SGPP2: variants seen among roughly 807,000 people sequenced by gnomAD.
SGPP2 encodes the protein sphingosine 1-phosphate phosphohydrolase 2.
SGPP2 carries 30 observed loss-of-function variants against 33.9 expected under a neutral mutation model. The observed-to-expected ratio is 0.89, with a 90% CI of 0.66 to 1.20. SGPP2 has a LOEUF of 1.20. SGPP2 is among the 50% of genes most tolerant of loss of function. The probability of loss-of-function intolerance (pLI) is 0.00; values close to 1 mark genes in which losing one functional copy is unlikely to be tolerated. For synonymous variants in SGPP2, 233 were observed against 225.0 expected (o/e 1.04, Z -0.32); for missense variants, 458 against 532.1 (o/e 0.86, Z 1.37).
In SGPP2 at chr2:222,444,970, G is replaced by C. The variant is rs376276453; in HGVS notation, c.219+20149G>C. Among the ~76,000 whole-genome samples, 3 of 152,272 alleles carry C rather than the reference G, an allele frequency of 2.0e-5. No homozygotes were observed. In the East Asian group the frequency reaches 5.8e-4, roughly 29 times the overall value. On this transcript the variant is annotated intron_variant, in intron 1 of 4. Transcript: ENST00000321276. ...AAAGCTTTTAGCATGCAAGCATCCA[G>C]ACTCCAATTAGTCCCTGACCAGACC... is the stretch of plus-strand genomic sequence containing the variant.
intron 4 of SGPP2, among the ~76,000 whole-genome samples, chr2:222,538,472 C>T (rs540252125): frequency 2.6e-4 from 39 of 152,240 alleles, no homozygotes; most frequent in Admixed American, 4.6e-4. Context: ...GTGATCCTCT[C>T]TGTTGCATTT....
rs1697737269 is a variant in SGPP2, at chr2:222,465,849, C to G, written c.220-8719C>G. Among the ~76,000 whole-genome samples, 1 of 152,188 alleles carries G rather than the reference C, an allele frequency of 6.6e-6. No homozygotes were observed. Among genetic ancestry groups the G allele is most frequent in the Admixed American group, 6.5e-5 (1 of 15,280 alleles). On this transcript the variant is annotated intron_variant, in intron 1 of 4. Coordinates refer to ENST00000321276, the MANE Select transcript of SGPP2 (RefSeq NM_152386.4). The surrounding 1 kb of genome is among the most constrained non-coding windows in gnomAD (Gnocchi z 4.1). ...GGGCCTTTCACTAAGTGTTCTCTCT[C>G]TGACCCGCAGACCCTCAAAGAAGCA...
intron 3 of SGPP2, among the ~76,000 whole-genome samples, chr2:222,524,318 T>G (rs193239214): frequency 2.6e-5 from 4 of 152,378 alleles, no homozygotes; most frequent in Admixed American, 2.6e-4. Flanking sequence ...GGTGGATTTA[T>G]GCCTATGTCT....
intron 1 of SGPP2, among the ~76,000 whole-genome samples, chr2:222,439,546 A>G (rs1384884125): frequency 1.3e-5 from 2 of 152,136 alleles, no homozygotes; most frequent in African/African-American, 4.8e-5. Context: ...AAAAAAGGAA[A>G]CAACCAAAAC....
intron 4 of SGPP2, among the ~76,000 whole-genome samples, chr2:222,537,082 C>A (rs368965939): frequency 3.3e-5 from 5 of 152,310 alleles, no homozygotes; most frequent in Admixed American, 1.3e-4. Context: ...GAGGCAGAAA[C>A]AAATCCAATG....
intron 2 of SGPP2, among the ~76,000 whole-genome samples, chr2:222,495,478 T>C (rs972492904): frequency 3.9e-5 from 6 of 152,172 alleles, no homozygotes; most frequent in African/African-American, 1.4e-4. Context: ...AATTTTCTCC[T>C]GCAAATGAAA....
At chr2:222,455,091 T>C (rs1697551353) in intron 1 of SGPP2, among the ~76,000 whole-genome samples, 1 of 151,954 alleles carries the variant, frequency 6.6e-6, no homozygotes, top group African/African-American at 2.4e-5. Context: ...AGAATTAGGC[T>C]GGTCATGGTG....
intron 2 of SGPP2, among the ~76,000 whole-genome samples, chr2:222,506,374 C>T (rs1698445296): frequency 1.3e-5 from 2 of 152,182 alleles, no homozygotes. Flanking sequence ...TATGCAATTA[C>T]AAGAAAAGCT....
chr2:222,463,055 A>G (rs1230246822), intron 1 of SGPP2, among the ~76,000 whole-genome samples: 1 of 152,208 alleles, frequency 6.6e-6, no homozygotes, highest in African/African-American at 2.4e-5. Flanking sequence ...ACAGTGTGAA[A>G]ATGTGACGGA....
intron 4 of SGPP2, among the ~76,000 whole-genome samples, chr2:222,547,650 A>G (rs1445009118): frequency 1.3e-5 from 2 of 150,136 alleles, no homozygotes; most frequent in African/African-American, 2.5e-5. Context: ...GAGAAACATA[A>G]TACCTGCCTT....
rs1405433423 is a variant in SGPP2 at position 222,560,180 on chromosome 2, A to C, written c.*1282A>C. 6.6e-6 allele frequency: 1 copy of C among 152,234 alleles called. No individual in the cohort carries two copies. Among genetic ancestry groups the C allele is most frequent in the Non-Finnish European group, 1.5e-5 (1 of 68,056 alleles). The allele number at this position is 152,234 out of a possible 1,614,324, so 9.4% of individuals were successfully genotyped here. On this transcript the variant is annotated 3_prime_UTR_variant, in exon 5 of 5. Coordinates refer to ENST00000321276, the MANE Select transcript of SGPP2 (RefSeq NM_152386.4). ...CACTGGCATCTGCCTAGGAAAGTGG[A>C]TCTGTGAAGAACAGATGAACTCAAT...
chr2:222,458,439 T>C (rs919404282), intron 1 of SGPP2, among the ~76,000 whole-genome samples: 2 of 152,114 alleles, frequency 1.3e-5, no homozygotes, highest in Non-Finnish European at 2.9e-5. Context: ...CAGTTACTTA[T>C]TAGAGGGCTA....
chr2:222,480,988 A>T (rs557047006), intron 2 of SGPP2, among the ~76,000 whole-genome samples: 52 of 152,342 alleles, frequency 3.4e-4, no homozygotes, highest in African/African-American at 1.2e-3. Flanking sequence ...GCAAACTATC[A>T]GGAACAGAAA....
At chr2:222,525,149 C>A (rs1698740112) in intron 4 of SGPP2, 116 bp downstream of exon 4, 1 of 691,384 alleles carries the variant, frequency 1.4e-6, no homozygotes, top group Non-Finnish European at 2.4e-6. Context: ...AATTATATTT[C>A]TCATCATGCC....
intron 1 of SGPP2, among the ~76,000 whole-genome samples, chr2:222,462,200 G>A (rs371838653): frequency 1.5e-4 from 23 of 152,134 alleles, no homozygotes; most frequent in African/African-American, 3.1e-4. Context: ...AGATGGTGGC[G>A]GGGAACATGG....
At chr2:222,554,619 G>A (rs750099327) in intron 4 of SGPP2, among the ~76,000 whole-genome samples, 5 of 152,112 alleles carry the variant, frequency 3.3e-5, no homozygotes, top group Non-Finnish European at 5.9e-5. Flanking sequence ...AAGAGTCCCA[G>A]TTCACCCCTA....
chr2:222,473,721 TTG>T (rs1697884620), intron 1 of SGPP2, among the ~76,000 whole-genome samples: 1 of 151,980 alleles, frequency 6.6e-6, no homozygotes, highest in South Asian at 2.1e-4. Flanking sequence ...GGTTGGGAGT[TTG>T]AGACGAGCCT....
intron 2 of SGPP2, among the ~76,000 whole-genome samples, chr2:222,482,851 C>T (rs1698049167): frequency 6.6e-6 from 1 of 152,194 alleles, no homozygotes; most frequent in Admixed American, 6.5e-5. Context: ...GGTTCTGGAA[C>T]ATCAGGAGAC....
intron 1 of SGPP2, among the ~76,000 whole-genome samples, chr2:222,445,688 G>A (rs775815369): frequency 3.9e-5 from 6 of 152,324 alleles, no homozygotes; most frequent in East Asian, 1.9e-4. Flanking sequence ...TGCCGCTCTC[G>A]ATGGGAGGAT....
Sources: gnomAD v4.1 joint callset for allele counts (sites outside exome capture counted in the v4.1 genomes callset) on GRCh38, gnomAD v4.1.1 for gene constraint, Gnocchi (gnomAD v3.1) non-coding constraint, MANE v1.5 for transcripts, NCBI Gene and HGNC (gene_info 2026-07-23, HGNC 2026-07-21) for gene names.